NEIL1: variants seen among roughly 807,000 people sequenced by gnomAD.
The protein encoded by NEIL1 is nei like DNA glycosylase 1, also known as endonuclease 8-like 1.
NEIL1 carries 31 observed loss-of-function variants against 44.2 expected under a neutral mutation model. The ratio of observed to expected loss-of-function variants is 0.70; its 90% confidence interval spans 0.53 to 0.95. The LOEUF (loss-of-function observed/expected upper bound fraction) is 0.95. NEIL1 is among the 40% of genes least tolerant of loss of function. The pLI is 0.00. For missense variants in NEIL1, 549 were observed against 515.5 expected, an observed-to-expected ratio of 1.07 and a Z score of -0.63; for synonymous variants, 254 against 209.7, an observed-to-expected ratio of 1.21 and a Z score of -1.83.
In NEIL1 at chr15:75,356,659, G is replaced by C; in HGVS notation, c.*1625G>C. The C allele has an allele frequency of 6.3e-7, 1 of 1,581,622 alleles. No homozygotes were observed. The highest frequency in any genetic ancestry group is 8.6e-7 in the Non-Finnish European group (1 of 1,164,186). ...CTCGTGGCGCCCCGTGTCAGCAGTA[G>C]CGTCCGGGGCTTTAGGCGCCCGCAA... On this transcript the variant is annotated 3_prime_UTR_variant, in exon 10 of 10. Coordinates refer to ENST00000355059, the MANE Select transcript of NEIL1 (RefSeq NM_024608.4). This position sits in a 1 kb window ranked among gnomAD's most constrained non-coding sequence, Gnocchi z 5.8.
intron 5 of NEIL1, 86 bp downstream of exon 5, chr15:75,352,787 C>T (rs1341672078): frequency 6.3e-5 from 70 of 1,105,370 alleles, no homozygotes; most frequent in Middle Eastern, 5.9e-4. Context: ...CCTGATTCAC[C>T]GATTTGGAAG....
At position 75,357,090 on chromosome 15, in the gene NEIL1, G is replaced by T. The variant is rs977959542; in HGVS notation, c.*2056G>T. The T allele has an allele frequency of 1.0e-5, 6 of 596,256 alleles. No individual in the cohort carries two copies. In the Middle Eastern group the frequency reaches 1.3e-3, roughly 129 times the overall value. 36.9% of individuals were successfully genotyped at this position (596,256 alleles called of 1,614,324 possible). ...GCCTCAGTTTCCTTATCTGTGAAAC[G>T]GGAATAAATAATAGTACTCACCCCA... is the stretch of plus-strand genomic sequence containing the variant. On this transcript the variant is annotated 3_prime_UTR_variant, in exon 10 of 10. Transcript: ENST00000355059.
chr15:75,356,584 C>T lies in NEIL1; in HGVS notation c.*1550C>T. On this transcript the variant is annotated 3_prime_UTR_variant, in exon 10 of 10. Coordinates refer to ENST00000355059, the MANE Select transcript of NEIL1 (RefSeq NM_024608.4). This position sits in a 1 kb window ranked among gnomAD's most constrained non-coding sequence, Gnocchi z 5.8. ...AGAGGTGTCTAGGGCTGCAGGAAGG[C>T]CCCACCGTCCCCAGCACTCACCCTT... The T allele has an allele frequency of 1.3e-6, 2 of 1,550,796 alleles. No homozygotes were observed. The highest frequency in any genetic ancestry group is 3.9e-5 in the Admixed American group (2 of 51,064).
At chr15:75,354,395 A>G (rs763225352) in intron 7 of NEIL1, 36 bp from the exon 8 acceptor site, 2 of 1,613,842 alleles carry the variant, frequency 1.2e-6, no homozygotes, top group Admixed American at 3.3e-5. Context: ...CCTGGGCAGG[A>G]TAGGACCCTC....
chr15:75,352,399 G>A lies in NEIL1; in HGVS notation c.618+12G>A, dbSNP rs774986837. 2.2e-5 allele frequency: 36 copies of A among 1,613,140 alleles called. No individual in the cohort carries two copies. Among genetic ancestry groups the A allele is most frequent in the Non-Finnish European group, 2.8e-5 (33 of 1,180,016 alleles). ...AGCAGCACAGGCCGGTAAGCCCAGA[G>A]AGGGATGGAGCACACGTGCTGGCAC... On this transcript the variant is annotated intron_variant, in intron 4 of 9. Transcript: ENST00000355059.
Position 75,355,738 on chromosome 15 carries a change from T to TCCCCCCC in NEIL1, c.*707_*708insCCCCCCC. ...CTGGGAAGCCATCCCACCCCAGACTTCCCACCCCCACCCCAAGCGTGAGGA... is the reference window on the plus strand; with the variant it reads ...CTGGGAAGCCATCCCACCCCAGACTTCCCCCCCCCCACCCCCACCCCAAGCGTGAGGA... On this transcript the variant is annotated 3_prime_UTR_variant, in exon 10 of 10. Transcript: ENST00000355059. The TCCCCCCC allele has an allele frequency of 1.6e-6, 1 of 634,994 alleles. No homozygotes were observed. The highest frequency in any genetic ancestry group is 2.5e-6 in the Non-Finnish European group (1 of 394,140). The allele number at this position is 634,994 out of a possible 1,614,324, so 39.3% of individuals were successfully genotyped here.
In NEIL1 at chr15:75,356,730, G is replaced by A. The variant is rs368848460; in HGVS notation, c.*1696G>A. 29 of 1,612,314 alleles carry A rather than the reference G, an allele frequency of 1.8e-5. No homozygotes were observed. In the African/African-American group the frequency reaches 2.9e-4, roughly 16 times the overall value. On this transcript the variant is annotated 3_prime_UTR_variant, in exon 10 of 10. Transcript: ENST00000355059. The surrounding 1 kb of genome is among the most constrained non-coding windows in gnomAD (Gnocchi z 5.8). ...TAGGGGCCACGCTGAAGCTGTTGGA[G>A]TTGTGGTCGGGAAGACCCATTTCTC...
chr15:75,348,281 GGCCGCTCCC>G (rs1031223754), intron 1 of NEIL1: 8 of 974,158 alleles, frequency 8.2e-6, no homozygotes, highest in East Asian at 1.1e-4. Context: ...CGGCCGATTC[GGCCGCTCCC>G]GCCGCTCCCC....
chr15:75,348,011 A>C, intron 1 of NEIL1: 1 of 1,193,374 alleles, frequency 8.4e-7, no homozygotes, highest in Non-Finnish European at 1.1e-6. Context: ...CAAGTGGCAA[A>C]GCAGGGAGGG....
At chr15:75,353,632 A>G in intron 5 of NEIL1, 107 bp from the exon 6 acceptor site, 1 of 1,190,156 alleles carries the variant, frequency 8.4e-7, no homozygotes, top group South Asian at 1.2e-5. Context: ...CCCCTGACTC[A>G]GTCCATCAGC....
At position 75,349,188 on chromosome 15, in the gene NEIL1, C is replaced by T; in HGVS notation, c.283C>T (p.Arg95Cys). ...FQLVPREELP[R>C]HAHLRFYTAP... ...GCTGGTGCCCCGCGAGGAGCTGCCA[C>T]GCCATGCCCACCTGCGCTTTTACAC... Residue 95 changes from arginine (R) to cysteine (C), a missense_variant, in exon 2 of 10, where the codon CGC (arginine) becomes TGC (cysteine). Physicochemically the swap from Arg to Cys is radical, Grantham distance 180 (BLOSUM62 -3). Coordinates refer to ENST00000355059, the MANE Select transcript of NEIL1 (RefSeq NM_024608.4). The T allele has an allele frequency of 1.2e-6, 2 of 1,609,198 alleles. No individual in the cohort carries two copies. The highest frequency in any genetic ancestry group is 1.3e-5 in the African/African-American group (1 of 75,060).
At position 75,356,119 on chromosome 15, in the gene NEIL1, T is replaced by C; in HGVS notation, c.*1085T>C. 6.2e-7 allele frequency: 1 copy of C among 1,613,838 alleles called. No homozygotes were observed. The highest frequency in any genetic ancestry group is 8.5e-7 in the Non-Finnish European group (1 of 1,179,986). On this transcript the variant is annotated 3_prime_UTR_variant, in exon 10 of 10. Coordinates refer to ENST00000355059, the MANE Select transcript of NEIL1 (RefSeq NM_024608.4). This position sits in a 1 kb window ranked among gnomAD's most constrained non-coding sequence, Gnocchi z 5.8. ...CCACACCGCCACTCACAGGATGGCC[T>C]CCTGAACCGGCAGCGACAAGTGCAG...
Position 75,349,289 on chromosome 15 carries a change from G to A in NEIL1, c.384G>A (p.Lys128=). Reference sequence around the variant, plus strand: ...TCGGCCGCTGGGACCTTGGGGGAAAGTGGCAGCCGGGCCGCGGGCCCTGTG... The same window carrying A: ...TCGGCCGCTGGGACCTTGGGGGAAAATGGCAGCCGGGCCGCGGGCCCTGTG... The part of the protein sequence containing the change: ...RRFGRWDLGG[K]WQPGRGPCVL... The change falls in exon 2 of 10, where the codon AAG becomes AAA. Residue 128 remains lysine, a synonymous_variant. Coordinates refer to ENST00000355059, the MANE Select transcript of NEIL1 (RefSeq NM_024608.4). 6.2e-7 allele frequency: 1 copy of A among 1,611,258 alleles called. No individual in the cohort carries two copies. The highest frequency in any genetic ancestry group is 8.5e-7 in the Non-Finnish European group (1 of 1,179,360).
Position 75,355,796 on chromosome 15 carries a change from C to T in NEIL1, c.*762C>T, listed in dbSNP as rs2072272973. The T allele has an allele frequency of 1.2e-5, 16 of 1,384,610 alleles. No homozygotes were observed. Among genetic ancestry groups the T allele is most frequent in the East Asian group, 4.8e-5 (2 of 41,266 alleles). The allele number at this position is 1,384,610 out of a possible 1,614,324, so 85.8% of individuals were successfully genotyped here. On this transcript the variant is annotated 3_prime_UTR_variant, in exon 10 of 10. Transcript: ENST00000355059. Reference sequence around the variant, plus strand: ...TAAGGGGACTGAGCAGCAGGGTTCCCGATCCAAGGATTTATTCCACAAGAA... The same window carrying T: ...TAAGGGGACTGAGCAGCAGGGTTCCTGATCCAAGGATTTATTCCACAAGAA...
At position 75,356,290 on chromosome 15, in the gene NEIL1, C is replaced by T. The variant is rs1293284616; in HGVS notation, c.*1256C>T. The stretch of plus-strand genomic sequence containing the variant: ...TTCGGAACCCCGTCCCCAGCACGTC[C>T]CACCCCTTGCCTGCTTGACGGTCTC... On this transcript the variant is annotated 3_prime_UTR_variant, in exon 10 of 10. Coordinates refer to ENST00000355059, the MANE Select transcript of NEIL1 (RefSeq NM_024608.4). The surrounding 1 kb of genome is among the most constrained non-coding windows in gnomAD (Gnocchi z 5.8). The T allele has an allele frequency of 1.2e-6, 2 of 1,611,972 alleles. No homozygotes were observed. Among genetic ancestry groups the T allele is most frequent in the East Asian group, 4.5e-5 (2 of 44,780 alleles).
At position 75,355,188 on chromosome 15, in the gene NEIL1, T is replaced by C. The variant is rs1225496794; in HGVS notation, c.*154T>C. 6.4e-6 allele frequency: 4 copies of C among 629,094 alleles called. No individual in the cohort carries two copies. Among genetic ancestry groups the C allele is most frequent in the Non-Finnish European group, 1.1e-5 (4 of 358,824 alleles). The allele number at this position is 629,094 out of a possible 1,614,324, so 39.0% of individuals were successfully genotyped here. On this transcript the variant is annotated 3_prime_UTR_variant, in exon 10 of 10. Coordinates refer to ENST00000355059, the MANE Select transcript of NEIL1 (RefSeq NM_024608.4). ...TCATGGTTTTAATTGTACCCCATCTTCCACATCTTTAAAGCTCATGTGAAA... is the reference window on the plus strand; with the variant it reads ...TCATGGTTTTAATTGTACCCCATCTCCCACATCTTTAAAGCTCATGTGAAA...
intron 5 of NEIL1, 116 bp downstream of exon 5, chr15:75,352,817 C>T: frequency 1.3e-6 from 1 of 799,358 alleles, no homozygotes; most frequent in Non-Finnish European, 2.1e-6. Context: ...CTAGCTGATA[C>T]TCAATGGACT....
At position 75,355,725 on chromosome 15, in the gene NEIL1, C is replaced by G; in HGVS notation, c.*691C>G. ...ACCCACCAAATACCTGGGAAGCCAT[C>G]CCACCCCAGACTTCCCACCCCCACC... On this transcript the variant is annotated 3_prime_UTR_variant, in exon 10 of 10. Transcript: ENST00000355059. 1.5e-5 allele frequency: 6 copies of G among 406,168 alleles called. No individual in the cohort carries two copies. Among genetic ancestry groups the G allele is most frequent in the Non-Finnish European group, 2.8e-5 (6 of 215,498 alleles). 25.2% of individuals were successfully genotyped at this position (406,168 alleles called of 1,614,324 possible).
Position 75,356,744 on chromosome 15 carries a change from G to A in NEIL1, c.*1710G>A, listed in dbSNP as rs1424766164. The A allele has an allele frequency of 1.9e-6, 3 of 1,612,324 alleles. No individual in the cohort carries two copies. The highest frequency in any genetic ancestry group is 1.1e-5 in the South Asian group (1 of 91,058). On this transcript the variant is annotated 3_prime_UTR_variant, in exon 10 of 10. Coordinates refer to ENST00000355059, the MANE Select transcript of NEIL1 (RefSeq NM_024608.4). The surrounding 1 kb of genome is among the most constrained non-coding windows in gnomAD (Gnocchi z 5.8). ...AAGCTGTTGGAGTTGTGGTCGGGAA[G>A]ACCCATTTCTCCATGCCAGCTCCCA...
Sources: gnomAD v4.1 joint callset for allele counts on GRCh38, gnomAD v4.1.1 for gene constraint, Gnocchi (gnomAD v3.1) non-coding constraint, MANE v1.5 for transcripts, NCBI Gene and HGNC (gene_info 2026-07-23, HGNC 2026-07-21) for gene names.